TSPEAR: variants seen among roughly 807,000 people sequenced by gnomAD.
TSPEAR encodes the protein thrombospondin type laminin G domain and EAR repeats, also known as thrombospondin-type laminin G domain and EAR repeat-containing protein.
A neutral mutation model predicts 71.6 loss-of-function variants in TSPEAR; 69 were observed. The observed-to-expected ratio is 0.96, with a 90% CI of 0.79 to 1.18. The LOEUF (loss-of-function observed/expected upper bound fraction) is 1.18. Among genes scored for constraint, TSPEAR ranks in the 50% most tolerant of loss-of-function variants. The pLI is 0.00. For synonymous variants in TSPEAR, 402 were observed against 387.2 expected (o/e 1.04, Z -0.45); for missense variants, 971 against 894.9 (o/e 1.09, Z -1.09).
chr21:44,608,047 CAG>C lies in TSPEAR; in HGVS notation c.83-40044_83-40043del, dbSNP rs369582118. 4.2e-3 allele frequency among the ~76,000 whole-genome samples: 643 copies of C among 152,094 alleles called. 5 individuals are homozygous for C. The highest frequency in any genetic ancestry group is 0.015 in the African/African-American group (613 of 41,472). ...AGAGGAGATCAGTCGTTTCCTGGGG[CAG>C]AGTCAGGAGGGGTGGGGATTGATCA... On this transcript the variant is annotated intron_variant, in intron 1 of 11. Transcript: ENST00000323084.
At chr21:44,698,287 T>C (rs1987481021) in intron 1 of TSPEAR, among the ~76,000 whole-genome samples, 1 of 152,140 alleles carries the variant, frequency 6.6e-6, no homozygotes, top group Non-Finnish European at 1.5e-5. Context: ...TGCACTTTGC[T>C]CTCTTCTTTG....
intron 1 of TSPEAR, chr21:44,647,281 TC>T: frequency 1.2e-6 from 2 of 1,611,964 alleles, no homozygotes; most frequent in South Asian, 2.2e-5. Context: ...CTCCTGCGTG[TC>T]CCTCCTCTGC....
Position 44,604,705 on chromosome 21 carries a change from T to A in TSPEAR, c.83-36700A>T, listed in dbSNP as rs143124465. 2.2e-4 allele frequency among the ~76,000 whole-genome samples: 34 copies of A among 152,374 alleles called. 1 individual carries two copies. The East Asian group carries it at 6.2e-3, about 28-fold the overall frequency. On this transcript the variant is annotated intron_variant, in intron 1 of 11. Coordinates refer to ENST00000323084, the MANE Select transcript of TSPEAR (RefSeq NM_144991.3). ...GAGCTTTCAGCTTTTCACCACTGAGTATGGCATCAGCTGTGGGCTTGTTGC... is the reference window on the plus strand; with the variant it reads ...GAGCTTTCAGCTTTTCACCACTGAGAATGGCATCAGCTGTGGGCTTGTTGC...
intron 2 of TSPEAR, among the ~76,000 whole-genome samples, chr21:44,564,702 G>T (rs183984783): frequency 6.6e-6 from 1 of 152,118 alleles, no homozygotes; most frequent in Non-Finnish European, 1.5e-5. Flanking sequence ...GTTCAACACC[G>T]TAATTTCAAC....
At position 44,521,871 on chromosome 21, in the gene TSPEAR, G is replaced by C. The variant is rs199557392; in HGVS notation, c.1566+12C>G. On this transcript the variant is annotated intron_variant, in intron 9 of 11. Coordinates refer to ENST00000323084, the MANE Select transcript of TSPEAR (RefSeq NM_144991.3). Reference sequence around the variant, plus strand: ...AGCAATGGAGAGCCGGGGCTCATGCGGGGGGCCTTACCGGGAAGGACTGGA... The same window carrying C: ...AGCAATGGAGAGCCGGGGCTCATGCCGGGGGCCTTACCGGGAAGGACTGGA... 1.9e-6 allele frequency: 3 copies of C among 1,609,932 alleles called. No homozygotes were observed. The highest frequency in any genetic ancestry group is 2.7e-5 in the African/African-American group (2 of 74,974).
intron 10 of TSPEAR, chr21:44,508,513 T>C (rs901611191): frequency 1.8e-6 from 2 of 1,087,346 alleles, no homozygotes; most frequent in Admixed American, 4.3e-5. Flanking sequence ...GTAATACGGA[T>C]TCGATTGCAG....
chr21:44,512,483 A>G (rs587668185), intron 9 of TSPEAR, among the ~76,000 whole-genome samples: 1 of 152,104 alleles, frequency 6.6e-6, no homozygotes, highest in African/African-American at 2.4e-5. Flanking sequence ...AGAACCTGGT[A>G]TTTCCCTAGG....
At chr21:44,597,070 C>T (rs587760735) in intron 1 of TSPEAR, among the ~76,000 whole-genome samples, 1 of 152,170 alleles carries the variant, frequency 6.6e-6, no homozygotes, top group African/African-American at 2.4e-5. Flanking sequence ...GATGATTTTT[C>T]TTTCCCTTCC....
chr21:44,655,534 A>G (rs1385449650), intron 1 of TSPEAR, among the ~76,000 whole-genome samples: 1 of 152,234 alleles, frequency 6.6e-6, no homozygotes, highest in Non-Finnish European at 1.5e-5. Flanking sequence ...GACGGAGCCC[A>G]GGAGGACCCA....
chr21:44,551,425 C>T lies in TSPEAR; in HGVS notation c.303+16360G>A, dbSNP rs376716122. The T allele has an allele frequency of 4.7e-5, 76 of 1,612,810 alleles. 1 individual carries two copies. The Admixed American group carries it at 8.3e-4, about 18-fold the overall frequency. Reference sequence around the variant, plus strand: ...TCCACCTGCCAGGAGTTGGTGCAGGCGCTGGAGCAGATGGACATGGTGGAG... The same window carrying T: ...TCCACCTGCCAGGAGTTGGTGCAGGTGCTGGAGCAGATGGACATGGTGGAG... On this transcript the variant is annotated intron_variant, in intron 2 of 11. Coordinates refer to ENST00000323084, the MANE Select transcript of TSPEAR (RefSeq NM_144991.3).
At chr21:44,677,610 T>C (rs1986377789) in intron 1 of TSPEAR, 9 of 1,087,994 alleles carry the variant, frequency 8.3e-6, no homozygotes, top group South Asian at 2.6e-5. Context: ...TGCAGGGTGA[T>C]CAGTTTTTAA....
At chr21:44,579,769 G>A (rs201801506) in intron 1 of TSPEAR, 4 of 1,611,100 alleles carry the variant, frequency 2.5e-6, no homozygotes, top group African/African-American at 1.3e-5. Context: ...GGCCTCAGCA[G>A]GCCAGGGGGG....
intron 1 of TSPEAR, among the ~76,000 whole-genome samples, chr21:44,577,715 T>C (rs1268388624): frequency 6.6e-6 from 1 of 152,216 alleles, no homozygotes; most frequent in Non-Finnish European, 1.5e-5. Flanking sequence ...ACCTACCAAA[T>C]AGAAAGTGGA....
At chr21:44,649,669 C>T (rs1555941037) in intron 1 of TSPEAR, among the ~76,000 whole-genome samples, 1 of 152,200 alleles carries the variant, frequency 6.6e-6, no homozygotes, top group Non-Finnish European at 1.5e-5. Context: ...ATCCCCCATA[C>T]AGGCCTCCCT....
intron 1 of TSPEAR, among the ~76,000 whole-genome samples, chr21:44,592,976 G>T (rs889888855): frequency 2.0e-5 from 3 of 152,210 alleles, no homozygotes; most frequent in Non-Finnish European, 2.9e-5. Flanking sequence ...GCCATGGCAT[G>T]GTGGGGGTGG....
intron 1 of TSPEAR, among the ~76,000 whole-genome samples, chr21:44,692,871 A>T (rs918704751): frequency 6.6e-6 from 1 of 152,078 alleles, no homozygotes; most frequent in African/African-American, 2.4e-5. Flanking sequence ...CTTCAAGCAC[A>T]TATGGATTAT....
At chr21:44,689,304 C>T (rs1287856423) in intron 1 of TSPEAR, among the ~76,000 whole-genome samples, 1 of 152,064 alleles carries the variant, frequency 6.6e-6, no homozygotes, top group African/African-American at 2.4e-5. Context: ...AGATCGAGAC[C>T]ATCCTGGCTA....
At chr21:44,692,866 A>C (rs1601572156) in intron 1 of TSPEAR, among the ~76,000 whole-genome samples, 3 of 152,120 alleles carry the variant, frequency 2.0e-5, no homozygotes, top group Admixed American at 1.3e-4. Context: ...CTGATCTTCA[A>C]GCACATATGG....
At chr21:44,538,599 C>T (rs1365718462) in intron 2 of TSPEAR, among the ~76,000 whole-genome samples, 7 of 152,310 alleles carry the variant, frequency 4.6e-5, no homozygotes, top group South Asian at 2.1e-4. Context: ...AACCCTCGGG[C>T]GGGCGGCACA....
Sources: allele counts gnomAD v4.1 joint callset (sites outside exome capture counted in the v4.1 genomes callset), GRCh38; gene constraint gnomAD v4.1.1; transcripts MANE v1.5; gene names NCBI Gene and HGNC (gene_info 2026-07-23, HGNC 2026-07-21).